The following AK5 variants were observed in gnomAD, a reference collection of about 807,000 sequenced individuals.
The protein encoded by AK5 is adenylate kinase isoenzyme 5.
A neutral mutation model predicts 69.5 loss-of-function variants in AK5; 27 were observed. That is an observed-to-expected ratio of 0.39 (90% CI 0.29 to 0.54). AK5 has a LOEUF of 0.54. AK5 is among the 20% of genes least tolerant of loss of function. The pLI, the probability that AK5 is intolerant of heterozygous loss-of-function variation, is 0.71. For missense variants in AK5, 531 were observed against 700.4 expected, an observed-to-expected ratio of 0.76 and a Z score of 2.73; for synonymous variants, 260 against 244.4, an observed-to-expected ratio of 1.06 and a Z score of -0.60.
intron 1 of AK5, chr1:77,283,659 G>A (rs1265356963): frequency 2.1e-6 from 2 of 972,844 alleles, no homozygotes; most frequent in Non-Finnish European, 2.4e-6. Context: ...CCCAAATCTA[G>A]CAAATGTGTT....
At chr1:77,414,554 G>A (rs1339294433) in intron 7 of AK5, among the ~76,000 whole-genome samples, 2 of 152,136 alleles carry the variant, frequency 1.3e-5, no homozygotes, top group African/African-American at 4.8e-5. Context: ...TAAATTTAAG[G>A]AGCCAACCTG....
intron 1 of AK5, among the ~76,000 whole-genome samples, chr1:77,283,813 G>A (rs373441663): frequency 6.6e-6 from 1 of 151,702 alleles, no homozygotes; most frequent in Non-Finnish European, 1.5e-5. Flanking sequence ...TTCTCACAAA[G>A]ATTACTACTG....
At chr1:77,409,526 A>G (rs1193782660) in intron 6 of AK5, among the ~76,000 whole-genome samples, 1 of 152,060 alleles carries the variant, frequency 6.6e-6, no homozygotes, top group African/African-American at 2.4e-5. Context: ...TGATGGCTGC[A>G]TGTATGTCTT....
intron 8 of AK5, among the ~76,000 whole-genome samples, chr1:77,458,563 C>T (rs963681798): frequency 7.2e-5 from 11 of 152,134 alleles, no homozygotes; most frequent in Non-Finnish European, 1.3e-4. Context: ...ACAATCATGA[C>T]GGAAGGCAAG....
chr1:77,409,738 A>G (rs1167431083), intron 6 of AK5, among the ~76,000 whole-genome samples: 2 of 152,178 alleles, frequency 1.3e-5, no homozygotes, highest in South Asian at 4.1e-4. Context: ...GAAGCTCTCA[A>G]GTTTAATTAG....
intron 6 of AK5, among the ~76,000 whole-genome samples, chr1:77,367,667 A>ATGTTATATATGTTATATATATGT (rs1490306068): frequency 1.1e-5 from 1 of 90,744 alleles, no homozygotes; most frequent in Non-Finnish European, 2.0e-5. Context: ...TATATATGTT[A>ATGTTATATATGTTATATATATGT]TATATAATAT....
intron 6 of AK5, among the ~76,000 whole-genome samples, chr1:77,402,758 G>A (rs1238848388): frequency 2.6e-5 from 4 of 151,640 alleles, no homozygotes; most frequent in East Asian, 1.9e-4. Context: ...ATAAACATAC[G>A]TGTGCATGTG....
chr1:77,379,269 G>A (rs1254514018), intron 6 of AK5, among the ~76,000 whole-genome samples: 1 of 152,186 alleles, frequency 6.6e-6, no homozygotes, highest in Non-Finnish European at 1.5e-5. Context: ...GGCATCTTCA[G>A]CACCCCTTCT....
chr1:77,558,280 C>G (rs1660224364), intron 13 of AK5, among the ~76,000 whole-genome samples: 1 of 152,158 alleles, frequency 6.6e-6, no homozygotes, highest in Non-Finnish European at 1.5e-5. Context: ...ACTGCAGTGT[C>G]TTCTGAAGTG....
chr1:77,341,747 A>C (rs1461023551), intron 6 of AK5, among the ~76,000 whole-genome samples: 1 of 152,180 alleles, frequency 6.6e-6, no homozygotes, highest in East Asian at 1.9e-4. Context: ...GTCATGTCGC[A>C]GAGTTGTAAG....
intron 6 of AK5, among the ~76,000 whole-genome samples, chr1:77,367,228 T>TG (rs1646965832): frequency 6.6e-6 from 1 of 151,544 alleles, no homozygotes. Flanking sequence ...GGGTTTTTTT[T>TG]GGGGGGAGGG....
At chr1:77,386,839 C>T (rs1334169976) in intron 6 of AK5, among the ~76,000 whole-genome samples, 4 of 152,104 alleles carry the variant, frequency 2.6e-5, no homozygotes, top group Non-Finnish European at 5.9e-5. Flanking sequence ...CTCCCCTCTC[C>T]CTGCCTGCGC....
intron 8 of AK5, among the ~76,000 whole-genome samples, chr1:77,421,501 G>A (rs1374037209): frequency 2.0e-5 from 3 of 152,176 alleles, no homozygotes; most frequent in Non-Finnish European, 4.4e-5. Context: ...TCTCCAAAGG[G>A]ATTATGGATG....
chr1:77,433,082 T>C (rs973316818), intron 8 of AK5, among the ~76,000 whole-genome samples: 4 of 152,200 alleles, frequency 2.6e-5, no homozygotes, highest in African/African-American at 9.6e-5. Flanking sequence ...TCAAGTTGTC[T>C]AGCTTCATCT....
At chr1:77,410,876 T>C in intron 6 of AK5, 105 bp from the exon 7 acceptor site, 1 of 834,628 alleles carries the variant, frequency 1.2e-6, no homozygotes, top group Non-Finnish European at 1.9e-6. Context: ...CCTGTTGTTC[T>C]GCTTCATTAG....
chr1:77,293,672 T>C, intron 2 of AK5, 121 bp from the exon 3 acceptor site: 2 of 826,292 alleles, frequency 2.4e-6, no homozygotes, highest in Middle Eastern at 3.5e-4. Flanking sequence ...GGGAGACTTC[T>C]TCCAGTTAAG....
At position 77,514,481 on chromosome 1, in the gene AK5, T is replaced by C. The variant is rs577514690; in HGVS notation, c.1148-4083T>C. Among the ~76,000 whole-genome samples, 94 of 152,356 alleles carry C rather than the reference T, an allele frequency of 6.2e-4. 1 individual carries two copies. The highest frequency in any genetic ancestry group is 2.2e-3 in the African/African-American group (92 of 41,576). On this transcript the variant is annotated intron_variant, in intron 10 of 13. Coordinates refer to ENST00000354567, the MANE Select transcript of AK5 (RefSeq NM_174858.3). ...TCAAAGATATGTCGGTGGCAGTATA[T>C]GAAAATTTATGTTTCTACCAGCAGT... is the stretch of plus-strand genomic sequence containing the variant.
At position 77,559,526 on chromosome 1, in the gene AK5, A is replaced by AT. The variant is rs1660326771; in HGVS notation, c.*860dup. The stretch of plus-strand genomic sequence containing the variant: ...GGGCACATATCAAATTATAATTTTG[A>AT]TTTTAAATGGTCACCCATGTATTTA... On this transcript the variant is annotated 3_prime_UTR_variant, in exon 14 of 14. Coordinates refer to ENST00000354567, the MANE Select transcript of AK5 (RefSeq NM_174858.3). 7.3e-6 allele frequency: 1 copy of AT among 137,096 alleles called. No individual in the cohort carries two copies. The highest frequency in any genetic ancestry group is 2.6e-5 in the African/African-American group (1 of 38,754). 8.5% of individuals were successfully genotyped at this position (137,096 alleles called of 1,614,324 possible).
chr1:77,345,233 G>T (rs1355333448), intron 6 of AK5, among the ~76,000 whole-genome samples: 2 of 152,116 alleles, frequency 1.3e-5, no homozygotes, highest in African/African-American at 4.8e-5. Context: ...CTTTTTGTAG[G>T]AGTATAACTT....
Sources: allele counts gnomAD v4.1 joint callset (sites outside exome capture counted in the v4.1 genomes callset), GRCh38; gene constraint gnomAD v4.1.1; transcripts MANE v1.5; gene names NCBI Gene and HGNC (gene_info 2026-07-23, HGNC 2026-07-21).